The following ZNF362 variants were observed in gnomAD, a reference collection of about 807,000 sequenced individuals.
ZNF362 encodes the protein zinc finger protein 362.
Under a neutral mutation model 42.9 loss-of-function variants are expected in ZNF362, and 11 were observed. That is an observed-to-expected ratio of 0.26 (90% confidence interval 0.16 to 0.42). The LOEUF (loss-of-function observed/expected upper bound fraction) is 0.42. ZNF362 is among the 20% of genes least tolerant of loss of function. The pLI, the probability that ZNF362 is intolerant of heterozygous loss-of-function variation, is 1.00. For synonymous variants in ZNF362, 255 were observed against 257.3 expected (o/e 0.99, Z 0.09); for missense variants, 362 against 576.2 (o/e 0.63, Z 3.81).
chr1:33,189,709 G>GTGTATATATATATATATATATATATATA, the ZNF362 span, among the ~76,000 whole-genome samples: 119 of 12,304 alleles, frequency 9.7e-3, no homozygotes, highest in Middle Eastern at 0.067. Context: ...ACATATATAC[G>GTGTATATATATATATATATATATATATA]TATATATATA....
rs1422279810 is a variant in ZNF362, at chr1:33,299,551, C to T, written c.*505C>T. On this transcript the variant is annotated 3_prime_UTR_variant, in exon 9 of 9. Transcript: ENST00000539719. ...GGTTTCTGGACTGCAAAGGGGACCC[C>T]CAGGTGGGAGGGGCAGGAAGCAGCC... is the stretch of plus-strand genomic sequence containing the variant. The T allele has an allele frequency of 6.5e-6, 1 of 154,584 alleles. No homozygotes were observed. 9.6% of individuals were successfully genotyped at this position (154,584 alleles called of 1,614,324 possible). A position where few individuals can be genotyped will look rare whatever the true frequency, so the allele number is the denominator to read the frequency against.
At position 33,280,790 on chromosome 1, in the gene ZNF362, C is replaced by T. The variant is rs1023348191; in HGVS notation, c.683+333C>T. Among the ~76,000 whole-genome samples the T allele has an allele frequency of 1.3e-5, 2 of 152,090 alleles. No homozygotes were observed. The highest frequency in any genetic ancestry group is 2.4e-5 in the African/African-American group (1 of 41,394). On this transcript the variant is annotated intron_variant, in intron 5 of 8. Coordinates refer to ENST00000539719, the MANE Select transcript of ZNF362 (RefSeq NM_152493.3). The surrounding 1 kb of genome is among the most constrained non-coding windows in gnomAD (Gnocchi z 5.6). ...CCACCTTAGAATCACCTGAAGAGGC[C>T]GTGCACAATGGCTCATCCCTGTAAT...
At chr1:33,177,083 ATG>A in the ZNF362 span, among the ~76,000 whole-genome samples, 1 of 151,050 alleles carries the variant, frequency 6.6e-6, no homozygotes, top group Admixed American at 6.6e-5. The surrounding 1 kb of genome is among the most constrained non-coding windows in gnomAD (Gnocchi z 4.1). Context: ...ACACACATGC[ATG>A]CACAAATGCA....
At chr1:33,262,413 TC>T (rs1645834876) in intron 1 of ZNF362, among the ~76,000 whole-genome samples, 2 of 108 alleles carry the variant, frequency 0.019, no homozygotes, top group Admixed American at 0.17. Flanking sequence ...CACACCATTC[TC>T]TCCTGCCTCA....
At chr1:33,211,143 C>T in the ZNF362 span, among the ~76,000 whole-genome samples, 1 of 152,072 alleles carries the variant, frequency 6.6e-6, no homozygotes, top group Admixed American at 6.6e-5. Flanking sequence ...CCATGTTAGC[C>T]AGGTTGGTCT....
chr1:33,145,194 G>A, the ZNF362 span, among the ~76,000 whole-genome samples: 16 of 152,206 alleles, frequency 1.1e-4, no homozygotes, highest in Non-Finnish European at 2.9e-5. Flanking sequence ...GGACAGGTTT[G>A]TGGTGTGGCA....
chr1:33,128,252 C>T, the ZNF362 span, among the ~76,000 whole-genome samples: 2 of 149,626 alleles, frequency 1.3e-5, no homozygotes, highest in African/African-American at 2.5e-5. Context: ...CAAGCACCTG[C>T]GGTCCCAGCT....
chr1:33,255,880 C>A (rs1570374741), upstream of ZNF362, among the ~76,000 whole-genome samples: 1 of 152,070 alleles, frequency 6.6e-6, no homozygotes, highest in East Asian at 1.9e-4. Context: ...CCAGGGGCAG[C>A]CTGGCACCGC....
chr1:33,284,678 A>G (rs1253534771), intron 6 of ZNF362, among the ~76,000 whole-genome samples: 1 of 152,206 alleles, frequency 6.6e-6, no homozygotes, highest in Admixed American at 6.5e-5. Flanking sequence ...CATTTTAGGA[A>G]TATTTTATTC....
chr1:33,214,444 T>C, the ZNF362 span, among the ~76,000 whole-genome samples: 5 of 152,202 alleles, frequency 3.3e-5, no homozygotes, highest in African/African-American at 4.8e-5. Flanking sequence ...GGCAAAGATT[T>C]CTCAAATAAT....
intron 4 of ZNF362, 101 bp downstream of exon 4, chr1:33,276,695 G>T (rs1163270135): frequency 8.0e-7 from 1 of 1,248,456 alleles, no homozygotes; most frequent in Middle Eastern, 3.1e-4. Context: ...CTAGGTAAGA[G>T]CAGGGCGGGC....
the ZNF362 span, chr1:33,158,242 C>T: frequency 6.2e-7 from 1 of 1,612,500 alleles, no homozygotes. Context: ...CCATGATAAC[C>T]CATGCCTTAC....
At chr1:33,156,188 C>G in the ZNF362 span, among the ~76,000 whole-genome samples, 1 of 152,246 alleles carries the variant, frequency 6.6e-6, no homozygotes, top group East Asian at 1.9e-4. Flanking sequence ...ATTCTGTCCC[C>G]TCTACTGGAT....
intron 2 of ZNF362, among the ~76,000 whole-genome samples, chr1:33,272,508 A>G (rs142911985): frequency 6.6e-6 from 1 of 152,312 alleles, no homozygotes; most frequent in East Asian, 1.9e-4. Flanking sequence ...TTTTAGAATA[A>G]GAGAAACAAA....
At chr1:33,193,778 C>A in the ZNF362 span, among the ~76,000 whole-genome samples, 1 of 152,170 alleles carries the variant, frequency 6.6e-6, no homozygotes, top group Non-Finnish European at 1.5e-5. Context: ...CTATAGTACA[C>A]CTGCCATGTT....
At chr1:33,159,965 G>A in the ZNF362 span, 7 of 1,592,358 alleles carry the variant, frequency 4.4e-6, no homozygotes, top group Middle Eastern at 3.3e-4. The surrounding 1 kb of genome is among the most constrained non-coding windows in gnomAD (Gnocchi z 4.2). Context: ...CAGTCGTCAG[G>A]GGTTATGGCT....
rs116414024 is a variant in ZNF362, at chr1:33,265,658, G to A, written c.-88-4829G>A. Among the ~76,000 whole-genome samples the A allele has an allele frequency of 7.6e-3, 1,159 of 152,110 alleles. 15 individuals carry two copies. The highest frequency in any genetic ancestry group is 0.027 in the African/African-American group (1,107 of 41,474). ...GGGCCATGGGAGGCAAACTTTGAGCGTGTCTCAGGAGCCTAAAACATGAGA... is the reference window on the plus strand; with the variant it reads ...GGGCCATGGGAGGCAAACTTTGAGCATGTCTCAGGAGCCTAAAACATGAGA... On this transcript the variant is annotated intron_variant, in intron 1 of 8. Transcript: ENST00000539719.
chr1:33,172,543 C>T, the ZNF362 span, among the ~76,000 whole-genome samples: 5 of 151,830 alleles, frequency 3.3e-5, no homozygotes, highest in African/African-American at 9.7e-5. Flanking sequence ...AGGGCCCCAT[C>T]GGAGCGGGGG....
the ZNF362 span, chr1:33,165,848 G>T: frequency 2.2e-4 from 59 of 273,544 alleles, no homozygotes; most frequent in Non-Finnish European, 3.7e-4. The surrounding 1 kb of genome is among the most constrained non-coding windows in gnomAD (Gnocchi z 4.0). Context: ...ACACTCTCTG[G>T]CTCCCCACAC....
Sources: allele counts gnomAD v4.1 joint callset (sites outside exome capture counted in the v4.1 genomes callset), GRCh38; gene constraint gnomAD v4.1.1; non-coding constraint Gnocchi (gnomAD v3.1); transcripts MANE v1.5; gene names NCBI Gene and HGNC (gene_info 2026-07-23, HGNC 2026-07-21).